Variants in SLC27A5 observed in about 807,000 individuals in gnomAD.
SLC27A5 encodes the protein long-chain fatty acid transport protein 5.
Under a neutral mutation model 63.1 loss-of-function variants are expected in SLC27A5, and 47 were observed. That is an observed-to-expected ratio of 0.74 (90% confidence interval 0.59 to 0.95). The LOEUF (loss-of-function observed/expected upper bound fraction) is 0.95. Among genes scored for constraint, SLC27A5 ranks in the 40% least tolerant of loss-of-function variants. The probability of loss-of-function intolerance (pLI) is 0.00; values close to 1 mark genes in which losing one functional copy is unlikely to be tolerated. For missense variants in SLC27A5, 940 were observed against 921.0 expected (o/e 1.02, Z -0.27); for synonymous variants, 391 against 403.8 (o/e 0.97, Z 0.38).
In SLC27A5 at chr19:58,511,838, G is replaced by A. The variant is rs1431768609; in HGVS notation, c.118C>T (p.Pro40Ser). 1.3e-6 allele frequency: 2 copies of A among 1,558,842 alleles called. No individual in the cohort carries two copies. The highest frequency in any genetic ancestry group is 1.7e-6 in the Non-Finnish European group (2 of 1,151,904). The change falls in exon 1 of 10, where the codon CCC becomes TCC. Residue 40 changes from proline (P) to serine (S), a missense_variant. Coordinates refer to ENST00000263093, the MANE Select transcript of SLC27A5 (RefSeq NM_012254.3). ...ALTLRWLLGDPTCCVLLGLAM... is the reference protein window; with the variant it reads ...ALTLRWLLGDSTCCVLLGLAM... ...AGCCCAAGTAGCACGCAACATGTGG[G>A]ATCCCCCAGGAGCCAGCGCAGGGTC... is the stretch of plus-strand genomic sequence containing the variant.
rs1600044982 is a variant in SLC27A5, at chr19:58,509,838, T to A, written c.1057+9A>T. On this transcript the variant is annotated intron_variant, in intron 3 of 9. Coordinates refer to ENST00000263093, the MANE Select transcript of SLC27A5 (RefSeq NM_012254.3). The stretch of plus-strand genomic sequence containing the variant: ...TGTAGACTGGAGGGATCCTCAGAAG[T>A]GGGCTTACCGAGATCTAAGCAGCCG... 1.9e-6 allele frequency: 3 copies of A among 1,607,846 alleles called. No individual in the cohort carries two copies. Among genetic ancestry groups the A allele is most frequent in the Admixed American group, 1.7e-5 (1 of 59,408 alleles).
At position 58,498,852 on chromosome 19, in the gene SLC27A5, T is replaced by C. The variant is rs1600025593; in HGVS notation, c.1829A>G (p.Glu610Gly). 2 of 1,613,866 alleles carry C rather than the reference T, an allele frequency of 1.2e-6. No individual in the cohort carries two copies. Among genetic ancestry groups the C allele is most frequent in the Middle Eastern group, 1.6e-4 (1 of 6,062 alleles). ...QLAPGQTFDG[E>G]KLYQHVRAWL... ...AGCGCGAACGTGCTGGTACAACTTC[T>C]CCCCGTCGAAAGTCTGGCCGGGGGC... Residue 610 changes from glutamate (E) to glycine (G), a missense_variant, in exon 9 of 10, where the codon GAG becomes GGG. Physicochemically the swap from Glu to Gly is moderately conservative, Grantham distance 98. Coordinates refer to ENST00000263093, the MANE Select transcript of SLC27A5 (RefSeq NM_012254.3).
At chr19:58,510,287 ATCAAG>A in intron 2 of SLC27A5, 1 of 398,250 alleles carries the variant, frequency 2.5e-6, no homozygotes, top group Admixed American at 4.2e-5. Context: ...AAATATCAAA[ATCAAG>A]TCTGGGAGCA....
At chr19:58,499,001 C>G in intron 8 of SLC27A5, 86 bp from the exon 9 acceptor site, 4 of 1,589,930 alleles carry the variant, frequency 2.5e-6, no homozygotes, top group Non-Finnish European at 3.4e-6. Flanking sequence ...TGCTCACTGG[C>G]TGTGAGAGCC....
At position 58,498,606 on chromosome 19, in the gene SLC27A5, G is replaced by C; in HGVS notation, c.1982C>G (p.Pro661Arg). 6.2e-7 allele frequency: 1 copy of C among 1,614,094 alleles called. No individual in the cohort carries two copies. The highest frequency in any genetic ancestry group is 8.5e-7 in the Non-Finnish European group (1 of 1,180,020). Residue 661 changes from proline to arginine, a missense_variant, in exon 10 of 10, where the codon CCT (proline) becomes CGT (arginine). Physicochemically the swap from Pro to Arg is moderately radical, Grantham distance 103 (BLOSUM62 -2). Coordinates refer to ENST00000263093, the MANE Select transcript of SLC27A5 (RefSeq NM_012254.3). Reference protein sequence around the residue: ...EGFNVGIVVDPLFVLDNRAQS... With the variant: ...EGFNVGIVVDRLFVLDNRAQS... The stretch of plus-strand genomic sequence containing the variant: ...GGCCCGGTTGTCCAGTACAAACAGA[G>C]GGTCAACCACGATCCCCACATTGAA...
At chr19:58,503,524 G>A (rs961553955) in intron 3 of SLC27A5, among the ~76,000 whole-genome samples, 7 of 151,906 alleles carry the variant, frequency 4.6e-5, no homozygotes, top group African/African-American at 7.3e-5. Flanking sequence ...TTAGCCAGGC[G>A]TGGTGGCGCA....
chr19:58,506,253 C>T (rs1440809788), intron 3 of SLC27A5, among the ~76,000 whole-genome samples: 2 of 150,578 alleles, frequency 1.3e-5, no homozygotes, highest in East Asian at 2.0e-4. Flanking sequence ...AACAAACAGA[C>T]GCCAGGCGCG....
At position 58,499,543 on chromosome 19, in the gene SLC27A5, A is replaced by G. The variant is rs147464959; in HGVS notation, c.1616T>C (p.Met539Thr). The G allele has an allele frequency of 6.1e-3, 9,828 of 1,613,018 alleles. 43 individuals are homozygous for G. The highest frequency in any genetic ancestry group is 7.4e-3 in the Non-Finnish European group (8,721 of 1,180,002). Residue 539 changes from methionine (M) to threonine (T), a missense_variant, in exon 7 of 10, where the codon ATG becomes ACG. Transcript: ENST00000263093. ...GAAGTAGAGGAAGCCTTCGCGGTCC[A>G]TGGCCAGTACGTCCCCGGTGTTGTA... ...VYYNTGDVLA[M>T]DREGFLYFRD...
intron 3 of SLC27A5, among the ~76,000 whole-genome samples, chr19:58,504,943 T>C (rs1345592455): frequency 6.7e-6 from 1 of 150,220 alleles, no homozygotes; most frequent in African/African-American, 2.5e-5. Flanking sequence ...GAGGCGGAGC[T>C]TGCCGTGAGC....
intron 3 of SLC27A5, among the ~76,000 whole-genome samples, chr19:58,505,422 C>G (rs573248379): frequency 1.3e-5 from 2 of 151,430 alleles, no homozygotes; most frequent in Non-Finnish European, 2.9e-5. Context: ...TAGGTAGAGA[C>G]GGATTTTGCC....
At chr19:58,503,774 G>C (rs2053310152) in intron 3 of SLC27A5, among the ~76,000 whole-genome samples, 1 of 151,918 alleles carries the variant, frequency 6.6e-6, no homozygotes, top group Non-Finnish European at 1.5e-5. Flanking sequence ...ACAATGGGGA[G>C]ACTGTTTAAT....
Position 58,511,880 on chromosome 19 carries a change from G to T in SLC27A5, c.76C>A (p.Pro26Thr). ...CGCAGGGTCAAGGCCACAGCGACTG[G>T]CCACACTGGCTGCCCCAGGCCCCAG... is the stretch of plus-strand genomic sequence containing the variant. ...LLWGLGQPVW[P>T]VAVALTLRWL... is the part of the protein sequence containing the mutation. The change falls in exon 1 of 10, where the codon CCA becomes ACA. Residue 26 changes from proline to threonine, a missense_variant. By Grantham distance (38) the Pro-to-Thr change is conservative. Coordinates refer to ENST00000263093, the MANE Select transcript of SLC27A5 (RefSeq NM_012254.3). 2.6e-6 allele frequency: 4 copies of T among 1,551,722 alleles called. No individual in the cohort carries two copies. Among genetic ancestry groups the T allele is most frequent in the Non-Finnish European group, 3.5e-6 (4 of 1,147,880 alleles).
Position 58,499,122 on chromosome 19 carries a change from C to G in SLC27A5, c.1765+1G>C. ...AAGTTTAAAATGAGAACCCTCCGCA[C>G]CTGGCACGCACACGCCATACACGTT... On this transcript the variant is annotated splice_donor_variant, in intron 8 of 9. Transcript: ENST00000263093. LOFTEE classifies it high-confidence loss of function. 1 of 1,613,998 alleles carries G rather than the reference C, an allele frequency of 6.2e-7. No individual in the cohort carries two copies. Among genetic ancestry groups the G allele is most frequent in the Middle Eastern group, 1.6e-4 (1 of 6,062 alleles).
intron 3 of SLC27A5, chr19:58,509,553 A>G: frequency 3.3e-6 from 1 of 298,716 alleles, no homozygotes; most frequent in South Asian, 7.6e-5. Flanking sequence ...GCCATGTCAC[A>G]AATCTGGGCC....
At chr19:58,499,785 C>A (rs2053253142) in intron 6 of SLC27A5, 95 bp from the exon 7 acceptor site, 56 of 1,236,724 alleles carry the variant, frequency 4.5e-5, no homozygotes, top group Non-Finnish European at 6.2e-5. Context: ...TCACCCAGCA[C>A]CCTGCCAAGG....
intron 3 of SLC27A5, among the ~76,000 whole-genome samples, chr19:58,504,815 T>A (rs1455984436): frequency 6.6e-6 from 1 of 151,718 alleles, no homozygotes; most frequent in African/African-American, 2.4e-5. Context: ...ACCATCCTGG[T>A]GAACACCGTG....
Position 58,499,416 on chromosome 19 carries a change from C to T in SLC27A5, c.1667+76G>A, listed in dbSNP as rs1346543793. The T allele has an allele frequency of 2.6e-6, 4 of 1,514,278 alleles. No individual in the cohort carries two copies. The Admixed American group carries it at 7.5e-5, about 28-fold the overall frequency. The allele number at this position is 1,514,278 out of a possible 1,614,324, so 93.8% of individuals were successfully genotyped here. On this transcript the variant is annotated intron_variant, in intron 7 of 9. Coordinates refer to ENST00000263093, the MANE Select transcript of SLC27A5 (RefSeq NM_012254.3). Reference sequence around the variant, plus strand: ...TTACGACAGGAAAGTCCCGCCTCTTCAGCCTGACTCCCTCTAGGATCTGAA... The same window carrying T: ...TTACGACAGGAAAGTCCCGCCTCTTTAGCCTGACTCCCTCTAGGATCTGAA...
chr19:58,498,602 CAG>C lies in SLC27A5; in HGVS notation c.1984_1985del (p.Leu662ValfsTer23). The C allele has an allele frequency of 3.1e-6, 5 of 1,614,130 alleles. No homozygotes were observed. Among genetic ancestry groups the C allele is most frequent in the Non-Finnish European group, 4.2e-6 (5 of 1,180,030 alleles). Reference protein sequence around the residue: ...GFNVGIVVDPLFVLDNRAQSF... With the variant: ...GFNVGIVVDPXFVLDNRAQSF... ...ACTGGGCCCGGTTGTCCAGTACAAACAGAGGGTCAACCACGATCCCCACATTG... is the reference window on the plus strand; with the variant it reads ...ACTGGGCCCGGTTGTCCAGTACAAACAGGGTCAACCACGATCCCCACATTG... On this transcript the variant is annotated frameshift_variant, in exon 10 of 10. Transcript: ENST00000263093. LOFTEE classifies it low-confidence loss of function (END_TRUNC).
intron 3 of SLC27A5, 95 bp downstream of exon 3, chr19:58,509,751 TG>T: frequency 1.7e-6 from 2 of 1,181,370 alleles, no homozygotes; most frequent in Non-Finnish European, 1.2e-6. Flanking sequence ...CACAGGGTGC[TG>T]GGTAACCTAT....
Sources: allele counts gnomAD v4.1 joint callset (sites outside exome capture counted in the v4.1 genomes callset), GRCh38; gene constraint gnomAD v4.1.1; transcripts MANE v1.5; gene names NCBI Gene and HGNC (gene_info 2026-07-23, HGNC 2026-07-21).